The following CYP7B1 variants were observed in gnomAD, a reference collection of about 807,000 sequenced individuals.
CYP7B1 encodes cytochrome P450 7B1.
In CYP7B1, 29 loss-of-function variants were observed where a neutral mutation model predicts 42.7. The observed-to-expected ratio is 0.68, with a 90% CI of 0.51 to 0.93. CYP7B1 has a LOEUF of 0.93. Among genes scored for constraint, CYP7B1 ranks in the 40% least tolerant of loss-of-function variants. The pLI is 0.00. For synonymous variants in CYP7B1, 235 were observed against 218.2 expected, an observed-to-expected ratio of 1.08 and a Z score of -0.68; for missense variants, 655 against 600.5, an observed-to-expected ratio of 1.09 and a Z score of -0.95.
chr8:64,781,680 G>A (rs1355764852), intron 1 of CYP7B1, among the ~76,000 whole-genome samples: 1 of 152,136 alleles, frequency 6.6e-6, no homozygotes, highest in Non-Finnish European at 1.5e-5. Context: ...AAAACTGCAA[G>A]ATAATCCCCT....
intron 1 of CYP7B1, among the ~76,000 whole-genome samples, chr8:64,713,784 C>A (rs1807114984): frequency 6.6e-6 from 1 of 152,112 alleles, no homozygotes; most frequent in South Asian, 2.1e-4. Flanking sequence ...AAAAAAAAAT[C>A]TTCAAGAGAT....
At chr8:64,619,367 A>G (rs1018283683) in intron 2 of CYP7B1, among the ~76,000 whole-genome samples, 1 of 152,252 alleles carries the variant, frequency 6.6e-6, no homozygotes, top group Non-Finnish European at 1.5e-5. Context: ...TAGTTTACAA[A>G]GATCACAAGG....
chr8:64,785,421 C>A (rs898956105), intron 1 of CYP7B1, among the ~76,000 whole-genome samples: 4 of 152,200 alleles, frequency 2.6e-5, no homozygotes, highest in African/African-American at 4.8e-5. Context: ...ATTTTTAGCA[C>A]CTTTATTCAT....
At chr8:64,784,509 GA>G (rs758217194) in intron 1 of CYP7B1, among the ~76,000 whole-genome samples, 1 of 152,144 alleles carries the variant, frequency 6.6e-6, no homozygotes, top group South Asian at 2.1e-4. Context: ...GATTCTTCAA[GA>G]AAAGTCTCAG....
chr8:64,710,678 T>C (rs1479901353), intron 1 of CYP7B1, among the ~76,000 whole-genome samples: 1 of 152,068 alleles, frequency 6.6e-6, no homozygotes, highest in Non-Finnish European at 1.5e-5. Context: ...ACCCAGAACA[T>C]GGTAGTACAT....
intron 1 of CYP7B1, among the ~76,000 whole-genome samples, chr8:64,630,745 CTA>C (rs1256876918): frequency 2.0e-5 from 3 of 152,192 alleles, no homozygotes; most frequent in Non-Finnish European, 4.4e-5. Context: ...AGAAAATGAA[CTA>C]TCTTTGTTTA....
At chr8:64,700,146 CAT>C (rs1429141335) in intron 1 of CYP7B1, among the ~76,000 whole-genome samples, 1 of 152,148 alleles carries the variant, frequency 6.6e-6, no homozygotes, top group Non-Finnish European at 1.5e-5. Flanking sequence ...ATCAAGCACA[CAT>C]GTGCAGAGTC....
At chr8:64,721,469 A>G (rs975244899) in intron 1 of CYP7B1, among the ~76,000 whole-genome samples, 1 of 152,216 alleles carries the variant, frequency 6.6e-6, no homozygotes, top group African/African-American at 2.4e-5. Flanking sequence ...TAAAAAGCCA[A>G]ATTAAAATAA....
intron 4 of CYP7B1, among the ~76,000 whole-genome samples, chr8:64,606,227 GAAA>G (rs1422290608): frequency 6.6e-6 from 1 of 152,192 alleles, no homozygotes; most frequent in Non-Finnish European, 1.5e-5. Context: ...GATGAGGCCA[GAAA>G]AGAACTTTGG....
intron 1 of CYP7B1, among the ~76,000 whole-genome samples, chr8:64,690,311 G>T (rs1806719727): frequency 6.6e-6 from 1 of 152,206 alleles, no homozygotes; most frequent in South Asian, 2.1e-4. Flanking sequence ...GATGAAGTAG[G>T]AGGATCGATT....
At chr8:64,708,536 T>C (rs1807033318) in intron 1 of CYP7B1, among the ~76,000 whole-genome samples, 1 of 152,224 alleles carries the variant, frequency 6.6e-6, no homozygotes, top group Non-Finnish European at 1.5e-5. Context: ...CTAGTGAACC[T>C]AGGCGTTTCA....
At chr8:64,734,962 C>A (rs960337196) in intron 1 of CYP7B1, among the ~76,000 whole-genome samples, 8 of 152,048 alleles carry the variant, frequency 5.3e-5, no homozygotes, top group African/African-American at 1.9e-4. Context: ...GACCAGCATC[C>A]CCAAACTTTT....
chr8:64,698,047 C>T (rs906819064), intron 1 of CYP7B1, among the ~76,000 whole-genome samples: 8 of 152,250 alleles, frequency 5.3e-5, no homozygotes, highest in South Asian at 2.1e-4. Flanking sequence ...AAATGTTCAA[C>T]GTATACAAGA....
intron 1 of CYP7B1, among the ~76,000 whole-genome samples, chr8:64,654,242 C>T (rs1806086621): frequency 1.3e-5 from 2 of 152,196 alleles, no homozygotes; most frequent in Admixed American, 6.5e-5. Flanking sequence ...TCCCTGTTTG[C>T]AGACAACATG....
At chr8:64,695,293 T>C (rs1585861405) in intron 1 of CYP7B1, among the ~76,000 whole-genome samples, 1 of 152,066 alleles carries the variant, frequency 6.6e-6, no homozygotes, top group African/African-American at 2.4e-5. Context: ...AATTACCCTC[T>C]CACCCTGGAA....
At position 64,591,411 on chromosome 8, in the gene CYP7B1, T is replaced by G. The variant is rs1055680582; in HGVS notation, c.*5231A>C. On this transcript the variant is annotated 3_prime_UTR_variant, in exon 6 of 6. Coordinates refer to ENST00000310193, the MANE Select transcript of CYP7B1 (RefSeq NM_004820.5). ...TGCAAGATTGGCAAATTTAATAGGT[T>G]AAAAAATGCACATTCTAAGGGCATG... Among the ~76,000 whole-genome samples the G allele has an allele frequency of 6.6e-6, 1 of 152,176 alleles. No homozygotes were observed. The highest frequency in any genetic ancestry group is 2.4e-5 in the African/African-American group (1 of 41,458).
intron 1 of CYP7B1, among the ~76,000 whole-genome samples, chr8:64,626,633 G>A (rs1295162074): frequency 1.3e-5 from 2 of 151,982 alleles, no homozygotes; most frequent in African/African-American, 4.8e-5. Context: ...TTTCTTTGTT[G>A]ATTTGTAATC....
intron 1 of CYP7B1, among the ~76,000 whole-genome samples, chr8:64,767,543 T>C (rs767860053): frequency 7.2e-5 from 11 of 152,030 alleles, no homozygotes; most frequent in Non-Finnish European, 1.5e-4. Flanking sequence ...GAAGGAAAAA[T>C]ACTTTTGCCT....
chr8:64,732,566 C>G (rs1585883280), intron 1 of CYP7B1, among the ~76,000 whole-genome samples: 1 of 152,088 alleles, frequency 6.6e-6, no homozygotes. Flanking sequence ...TGGGTTAATG[C>G]TGAAATAAGT....
Sources: allele counts gnomAD v4.1 joint callset (sites outside exome capture counted in the v4.1 genomes callset), GRCh38; gene constraint gnomAD v4.1.1; transcripts MANE v1.5; gene names NCBI Gene and HGNC (gene_info 2026-07-23, HGNC 2026-07-21).